DRC2: variants seen among roughly 807,000 people sequenced by gnomAD.
DRC2 encodes dynein regulatory complex subunit 2, also known as coiled-coil domain containing 65.
At chr12:48,921,147 T>C in the DRC2 span, 3 of 1,612,490 alleles carry the variant, frequency 1.9e-6, no homozygotes, top group Non-Finnish European at 2.5e-6. Flanking sequence ...GCACACCTTC[T>C]CCCTGTAACT....
chr12:48,916,089 A>G, the DRC2 span, among the ~76,000 whole-genome samples: 39,099 of 134,722 alleles, frequency 0.29, 5,766 homozygotes, highest in Admixed American at 0.43. Flanking sequence ...GATGGCGGCC[A>G]GGCAGAGACG....
chr12:48,912,437 C>CAAAAAAAA, the DRC2 span, among the ~76,000 whole-genome samples: 65 of 45,360 alleles, frequency 1.4e-3, 6 homozygotes, highest in African/African-American at 5.2e-3. Flanking sequence ...GACGCCGTCT[C>CAAAAAAAA]AAAAAAAAAA....
At chr12:48,910,764 GC>G in the DRC2 span, among the ~76,000 whole-genome samples, 1 of 152,068 alleles carries the variant, frequency 6.6e-6, no homozygotes, top group Admixed American at 6.6e-5. Context: ...TATCTTGGAG[GC>G]CGGGCACAGT....
the DRC2 span, chr12:48,921,420 G>A: frequency 6.2e-7 from 1 of 1,609,816 alleles, no homozygotes; most frequent in Non-Finnish European, 8.5e-7. Flanking sequence ...CCATCCAGGT[G>A]ATAAACAACA....
At chr12:48,910,574 A>T in the DRC2 span, among the ~76,000 whole-genome samples, 1 of 152,190 alleles carries the variant, frequency 6.6e-6, no homozygotes, top group Admixed American at 6.6e-5. Context: ...ATACACTCAC[A>T]TTATTCAAAA....
the DRC2 span, chr12:48,904,538 A>C: frequency 6.5e-7 from 1 of 1,537,272 alleles, no homozygotes; most frequent in Non-Finnish European, 8.8e-7. Context: ...CACTGAGGAA[A>C]CCTCATTTTC....
the DRC2 span, among the ~76,000 whole-genome samples, chr12:48,917,729 A>C: frequency 6.6e-6 from 1 of 152,176 alleles, no homozygotes; most frequent in East Asian, 1.9e-4. Context: ...AGTAAGTAAA[A>C]TGACCTGCCA....
the DRC2 span, among the ~76,000 whole-genome samples, chr12:48,910,145 C>G: frequency 6.6e-6 from 1 of 152,160 alleles, no homozygotes; most frequent in Non-Finnish European, 1.5e-5. Flanking sequence ...GAAGCCTTTC[C>G]CAGTGCTTAA....
At chr12:48,913,090 G>A in the DRC2 span, among the ~76,000 whole-genome samples, 5 of 133,808 alleles carry the variant, frequency 3.7e-5, no homozygotes, top group Non-Finnish European at 6.2e-5. Flanking sequence ...AGCCAAGATC[G>A]CGCCACTGCA....
At chr12:48,915,627 C>T in the DRC2 span, among the ~76,000 whole-genome samples, 128 of 150,758 alleles carry the variant, frequency 8.5e-4, no homozygotes, top group Non-Finnish European at 1.1e-3. Flanking sequence ...AGCTGTTGGG[C>T]ACACCTCCCA....
chr12:48,913,423 C>A, the DRC2 span, among the ~76,000 whole-genome samples: 3 of 151,666 alleles, frequency 2.0e-5, no homozygotes, highest in Non-Finnish European at 4.4e-5. Flanking sequence ...CCCGCCTCAG[C>A]CTCCTGAGTA....
At chr12:48,913,266 C>T in the DRC2 span, among the ~76,000 whole-genome samples, 1 of 151,948 alleles carries the variant, frequency 6.6e-6, no homozygotes, top group Non-Finnish European at 1.5e-5. Context: ...TAGTCATCCA[C>T]AGGACACTGG....
At chr12:48,919,038 T>C in the DRC2 span, 13 of 614,334 alleles carry the variant, frequency 2.1e-5, no homozygotes, top group Non-Finnish European at 2.6e-5. Context: ...CCTTTTTTAT[T>C]CCATGTTTCC....
chr12:48,920,112 A>T, the DRC2 span, among the ~76,000 whole-genome samples: 1 of 33,582 alleles, frequency 3.0e-5, no homozygotes, highest in African/African-American at 9.6e-5. Context: ...GACCCTGTCT[A>T]AAAAAAAAAA....
the DRC2 span, among the ~76,000 whole-genome samples, chr12:48,915,980 A>T: frequency 0.013 from 1,535 of 121,148 alleles, 25 homozygotes; most frequent in African/African-American, 0.049. Context: ...GGGCAGAGGC[A>T]CTCCCCACAT....
chr12:48,916,597 AGGGAGAGGGAGACCATG>A, the DRC2 span, among the ~76,000 whole-genome samples: 35 of 151,846 alleles, frequency 2.3e-4, no homozygotes, highest in South Asian at 8.3e-4. Context: ...GTGGAAAGAG[AGGGAGAGGGAGACCATG>A]GGGAGAGGGA....
chr12:48,912,017 T>C, the DRC2 span, among the ~76,000 whole-genome samples: 1 of 151,808 alleles, frequency 6.6e-6, no homozygotes, highest in Non-Finnish European at 1.5e-5. Context: ...CCCAGCACTT[T>C]AGGAGGCCGA....
chr12:48,918,780 T>G, the DRC2 span: 1 of 1,614,130 alleles, frequency 6.2e-7, no homozygotes, highest in East Asian at 2.2e-5. Context: ...AATTGGTCCT[T>G]GTACAACTGC....
chr12:48,918,651 A>C, the DRC2 span: 1 of 1,603,604 alleles, frequency 6.2e-7, no homozygotes, highest in South Asian at 1.1e-5. Flanking sequence ...CAGTTGGTCA[A>C]GTAGATTTCC....
Sources: gnomAD v4.1 joint callset for allele counts (sites outside exome capture counted in the v4.1 genomes callset) on GRCh38, gnomAD v4.1.1 for gene constraint, MANE v1.5 for transcripts, NCBI Gene and HGNC (gene_info 2026-07-23, HGNC 2026-07-21) for gene names.